Variants in CD180 observed in about 807,000 individuals in gnomAD.
The protein encoded by CD180 is CD180 molecule, also known as CD180 antigen.
In CD180, 11 loss-of-function variants were observed where a neutral mutation model predicts 10.7. The observed-to-expected ratio is 1.03, with a 90% CI of 0.65 to 1.70. The LOEUF (loss-of-function observed/expected upper bound fraction) is 1.70. Among genes scored for constraint, CD180 ranks in the 40% most tolerant of loss-of-function variants. CD180 has a pLI of 0.00. For missense variants in CD180, 729 were observed against 775.2 expected, an observed-to-expected ratio of 0.94 and a Z score of 0.71; for synonymous variants, 286 against 294.6, an observed-to-expected ratio of 0.97 and a Z score of 0.30.
rs1296421233 is a variant in CD180, at chr5:67,179,627, T to C, written c.*3230A>G. The C allele has an allele frequency of 6.6e-6, 1 of 152,246 alleles. No individual in the cohort carries two copies. The highest frequency in any genetic ancestry group is 6.5e-5 in the Admixed American group (1 of 15,278). 9.4% of individuals were successfully genotyped at this position (152,246 alleles called of 1,614,324 possible). The stretch of plus-strand genomic sequence containing the variant: ...TTCAAGAGCCATTTGTTTCATACTT[T>C]TATAAACATCAAAATTGCAAACTAC... On this transcript the variant is annotated 3_prime_UTR_variant, in exon 3 of 3. Coordinates refer to ENST00000256447, the MANE Select transcript of CD180 (RefSeq NM_005582.3).
At chr5:67,191,847 G>A (rs959787557) in intron 1 of CD180, among the ~76,000 whole-genome samples, 1 of 152,132 alleles carries the variant, frequency 6.6e-6, no homozygotes, top group Non-Finnish European at 1.5e-5. Context: ...TTGTAGGTAG[G>A]TTTGGATATT....
Position 67,183,141 on chromosome 5 carries a change from G to T in CD180, c.1702C>A (p.Gln568Lys). Residue 568 changes from glutamine (Q) to lysine (K), a missense_variant, in exon 3 of 3, where the codon CAG becomes AAG. Coordinates refer to ENST00000256447, the MANE Select transcript of CD180 (RefSeq NM_005582.3). ...TGACTTAAATTAATGGTGCTCTGCT[G>T]GGACAAGATAGGGAGGAGACGGGGT... is the stretch of plus-strand genomic sequence containing the variant. ...ISPRLLPILS[Q>K]QSTINLSHNP... 1 of 1,610,832 alleles carries T rather than the reference G, an allele frequency of 6.2e-7. No homozygotes were observed. Among genetic ancestry groups the T allele is most frequent in the Non-Finnish European group, 8.5e-7 (1 of 1,177,728 alleles).
intron 1 of CD180, among the ~76,000 whole-genome samples, chr5:67,193,878 T>G (rs1180235196): frequency 6.6e-6 from 1 of 152,238 alleles, no homozygotes; most frequent in Non-Finnish European, 1.5e-5. Flanking sequence ...AACAGCCTGC[T>G]TCCCAATGAG....
chr5:67,187,287 G>A (rs896286320), intron 1 of CD180, among the ~76,000 whole-genome samples: 5 of 152,154 alleles, frequency 3.3e-5, no homozygotes, highest in Admixed American at 2.0e-4. Flanking sequence ...GAGATTCTTT[G>A]TTACTATTTC....
At chr5:67,185,287 T>TTA (rs1491510824) in intron 2 of CD180, among the ~76,000 whole-genome samples, 1 of 43,432 alleles carries the variant, frequency 2.3e-5, no homozygotes, top group Non-Finnish European at 3.9e-5. Context: ...CTGTCCCCTC[T>TTA]TACACACACA....
intron 1 of CD180, among the ~76,000 whole-genome samples, chr5:67,189,300 A>T (rs1444004566): frequency 1.3e-5 from 2 of 152,236 alleles, no homozygotes; most frequent in African/African-American, 4.8e-5. Context: ...AATGTGATGC[A>T]GAAGATTGAG....
intron 1 of CD180, among the ~76,000 whole-genome samples, chr5:67,187,588 T>C (rs5744508): frequency 8.1e-4 from 124 of 152,262 alleles, no homozygotes; most frequent in African/African-American, 2.8e-3. Flanking sequence ...TTTAGAAGCC[T>C]GTAGAACTGT....
chr5:67,187,068 A>G (rs1198168510), intron 1 of CD180, among the ~76,000 whole-genome samples: 1 of 152,230 alleles, frequency 6.6e-6, no homozygotes, highest in Non-Finnish European at 1.5e-5. Flanking sequence ...ACAGTATTCA[A>G]TGATATTAAG....
Position 67,182,955 on chromosome 5 carries a change from T to C in CD180, c.1888A>G (p.Ile630Val). Reference sequence around the variant, plus strand: ...AATACTATGAGAAAGAAAATGCCTATGGCTGTAATCCCACAGGAAAGCTTG... The same window carrying C: ...AATACTATGAGAAAGAAAATGCCTACGGCTGTAATCCCACAGGAAAGCTTG... ...DVKLSCGITA[I>V]GIFFLIVFLL... Residue 630 changes from isoleucine to valine, a missense_variant, in exon 3 of 3, where the codon ATA (isoleucine) becomes GTA (valine). Coordinates refer to ENST00000256447, the MANE Select transcript of CD180 (RefSeq NM_005582.3). The C allele has an allele frequency of 6.2e-7, 1 of 1,614,208 alleles. No homozygotes were observed. The highest frequency in any genetic ancestry group is 1.7e-5 in the Admixed American group (1 of 60,028).
At chr5:67,191,987 T>C (rs1742314054) in intron 1 of CD180, among the ~76,000 whole-genome samples, 1 of 152,218 alleles carries the variant, frequency 6.6e-6, no homozygotes, top group South Asian at 2.1e-4. Flanking sequence ...ATAAAGCTTC[T>C]AGAAGAAACA....
At position 67,181,375 on chromosome 5, in the gene CD180, A is replaced by C. The variant is rs1472725997; in HGVS notation, c.*1482T>G. 6.6e-6 allele frequency: 1 copy of C among 152,218 alleles called. No individual in the cohort carries two copies. The highest frequency in any genetic ancestry group is 1.9e-4 in the East Asian group (1 of 5,184). The allele number at this position is 152,218 out of a possible 1,614,324, so 9.4% of individuals were successfully genotyped here. ...GCAGCATCTTAGAGGCAAAGGAAAG[A>C]GCAAGTGTGAAGGCCTGAAATCCCT... On this transcript the variant is annotated 3_prime_UTR_variant, in exon 3 of 3. Coordinates refer to ENST00000256447, the MANE Select transcript of CD180 (RefSeq NM_005582.3).
chr5:67,187,467 G>C (rs558005892), intron 1 of CD180, among the ~76,000 whole-genome samples: 1 of 152,208 alleles, frequency 6.6e-6, no homozygotes, highest in Non-Finnish European at 1.5e-5. Flanking sequence ...CATAAGTACA[G>C]ATAACTTCCT....
intron 1 of CD180, among the ~76,000 whole-genome samples, chr5:67,191,764 G>A (rs1423488000): frequency 6.6e-6 from 1 of 152,156 alleles, no homozygotes; most frequent in Admixed American, 6.5e-5. Flanking sequence ...GAGACAGAGA[G>A]AGAAAACATG....
chr5:67,188,859 A>G (rs1742250624), intron 1 of CD180, among the ~76,000 whole-genome samples: 2 of 152,192 alleles, frequency 1.3e-5, no homozygotes, highest in African/African-American at 4.8e-5. Flanking sequence ...TCTTCATTTT[A>G]TAGACCCAAA....
At position 67,184,080 on chromosome 5, in the gene CD180, A is replaced by G. The variant is rs1409966388; in HGVS notation, c.763T>C (p.Phe255Leu). 2.5e-6 allele frequency: 4 copies of G among 1,614,072 alleles called. No homozygotes were observed. The African/African-American group carries it at 4.0e-5, about 16-fold the overall frequency. Residue 255 changes from phenylalanine (F) to leucine (L), a missense_variant, in exon 3 of 3, where the codon TTT becomes CTT. Transcript: ENST00000256447. ...STTQSLWLGT[F>L]EDIDDEDISS... ...ATATCTTCGTCATCAATGTCCTCAAATGTTCCCAGCCAGAGAGACTGAGTA... is the reference window on the plus strand; with the variant it reads ...ATATCTTCGTCATCAATGTCCTCAAGTGTTCCCAGCCAGAGAGACTGAGTA...
At chr5:67,188,643 A>G (rs1230155263) in intron 1 of CD180, among the ~76,000 whole-genome samples, 1 of 152,208 alleles carries the variant, frequency 6.6e-6, no homozygotes, top group Non-Finnish European at 1.5e-5. Flanking sequence ...AACTGCACAC[A>G]TCTTGCTTTG....
At position 67,181,739 on chromosome 5, in the gene CD180, A is replaced by G. The variant is rs1258099850; in HGVS notation, c.*1118T>C. ...TGTGTGAGTATGGCCCTTTAAGCCT[A>G]AGTCATGACATTGCTCTTTGTCTAT... On this transcript the variant is annotated 3_prime_UTR_variant, in exon 3 of 3. Transcript: ENST00000256447. The G allele has an allele frequency of 6.6e-6, 1 of 152,164 alleles. No homozygotes were observed. The highest frequency in any genetic ancestry group is 1.5e-5 in the Non-Finnish European group (1 of 68,032). 9.4% of individuals were successfully genotyped at this position (152,164 alleles called of 1,614,324 possible).
Position 67,196,753 on chromosome 5 carries a change from C to A in CD180, c.-112G>T. On this transcript the variant is annotated 5_prime_UTR_variant, in exon 1 of 3. Coordinates refer to ENST00000256447, the MANE Select transcript of CD180 (RefSeq NM_005582.3). ...CCAGAGAGGTACTCAGAAGGGTGAT[C>A]TTGGAACAAGAAATGCTGTTGACTG... 1 of 1,200,272 alleles carries A rather than the reference C, an allele frequency of 8.3e-7. No individual in the cohort carries two copies. Among genetic ancestry groups the A allele is most frequent in the Non-Finnish European group, 1.1e-6 (1 of 892,738 alleles). 74.4% of individuals were successfully genotyped at this position (1,200,272 alleles called of 1,614,324 possible).
rs1227938348 is a variant in CD180 at position 67,181,187 on chromosome 5, A to T, written c.*1670T>A. 6.6e-6 allele frequency: 1 copy of T among 152,164 alleles called. No homozygotes were observed. Among genetic ancestry groups the T allele is most frequent in the African/African-American group, 2.4e-5 (1 of 41,422 alleles). 9.4% of individuals were successfully genotyped at this position (152,164 alleles called of 1,614,324 possible). ...CAAGAGAAACTAATTAAAACAAATG[A>T]AGAAGTTAATTCCAAACACTGATAA... On this transcript the variant is annotated 3_prime_UTR_variant, in exon 3 of 3. Coordinates refer to ENST00000256447, the MANE Select transcript of CD180 (RefSeq NM_005582.3).
Sources: gnomAD v4.1 joint callset for allele counts (sites outside exome capture counted in the v4.1 genomes callset) on GRCh38, gnomAD v4.1.1 for gene constraint, MANE v1.5 for transcripts, NCBI Gene and HGNC (gene_info 2026-07-23, HGNC 2026-07-21) for gene names.